Variants in MAST2 observed in about 807,000 individuals in gnomAD.
MAST2 encodes the protein microtubule associated serine/threonine kinase 2.
A neutral mutation model predicts 147.4 loss-of-function variants in MAST2; 70 were observed. The observed-to-expected ratio is 0.47, with a 90% CI of 0.39 to 0.58. MAST2 has a LOEUF of 0.58. Among genes scored for constraint, MAST2 ranks in the 20% least tolerant of loss-of-function variants. The pLI, the probability that MAST2 is intolerant of heterozygous loss-of-function variation, is 0.00. For missense variants in MAST2, 2,080 were observed against 2,302.3 expected, an observed-to-expected ratio of 0.90 and a Z score of 1.98; for synonymous variants, 869 against 896.8, an observed-to-expected ratio of 0.97 and a Z score of 0.55.
intron 5 of MAST2, among the ~76,000 whole-genome samples, chr1:45,997,374 G>C (rs1317929408): frequency 6.6e-6 from 1 of 152,262 alleles, no homozygotes; most frequent in African/African-American, 2.4e-5. Flanking sequence ...TGAACATTTG[G>C]CTATACCCTC....
At chr1:45,844,461 T>A (rs1175802755) in intron 3 of MAST2, among the ~76,000 whole-genome samples, 1 of 152,084 alleles carries the variant, frequency 6.6e-6, no homozygotes, top group East Asian at 1.9e-4. Flanking sequence ...TTTTTGTATT[T>A]TTAGTAGAGA....
chr1:45,975,495 C>CAAAAAAAAAAAAAA lies in MAST2; in HGVS notation c.592+16031_592+16044dup, dbSNP rs60802520. Among the ~76,000 whole-genome samples, 2 of 40,438 alleles carry CAAAAAAAAAAAAAA rather than the reference C, an allele frequency of 4.9e-5. 1 individual carries two copies. Among genetic ancestry groups the CAAAAAAAAAAAAAA allele is most frequent in the African/African-American group, 2.0e-4 (2 of 10,240 alleles). The allele number at this position is 40,438 out of a possible 152,430, so 26.5% of individuals were successfully genotyped here. On this transcript the variant is annotated intron_variant, in intron 5 of 28. Coordinates refer to ENST00000361297, the MANE Select transcript of MAST2 (RefSeq NM_015112.3). Reference sequence around the variant, plus strand: ...GCAATATAGTGAGTCCCTGTCTCTCCAAAAAAAAAAAAAAAAAAAAAAAAA... The same window carrying CAAAAAAAAAAAAAA: ...GCAATATAGTGAGTCCCTGTCTCTCCAAAAAAAAAAAAAAAAAAAAAAAAAAAAAAAAAAAAAAA...
chr1:45,910,201 C>CTATGTTGGGACATAGACATATTTTTATA (rs964606469), intron 4 of MAST2, among the ~76,000 whole-genome samples: 15 of 141,918 alleles, frequency 1.1e-4, no homozygotes, highest in African/African-American at 3.7e-4. Context: ...TCTTATTTTT[C>CTATGTTGGGACATAGACATATTTTTATA]TGTCTATGTT....
intron 10 of MAST2, among the ~76,000 whole-genome samples, chr1:46,011,383 T>G (rs1645709415): frequency 6.6e-6 from 1 of 152,232 alleles, no homozygotes; most frequent in Non-Finnish European, 1.5e-5. Context: ...TTTAGCCATT[T>G]GCATGGTGAG....
Position 46,034,245 on chromosome 1 carries a change from AC to A in MAST2, c.3852del (p.Asp1285MetfsTer86). 6.2e-7 allele frequency: 1 copy of A among 1,613,450 alleles called. No homozygotes were observed. The highest frequency in any genetic ancestry group is 8.5e-7 in the Non-Finnish European group (1 of 1,179,682). ...ATCTCCCACTCAAGGCTACCGGGTG[AC>A]CCCCGATGCTGTGCATTCAGGTACG... Reference protein sequence around the residue: ...PRSPTQGYRVTPDAVHSVGGN... With the variant: ...PRSPTQGYRVXPDAVHSVGGN... On this transcript the variant is annotated frameshift_variant, in exon 28 of 29. Transcript: ENST00000361297. LOFTEE classifies it low-confidence loss of function (END_TRUNC).
At chr1:45,834,201 T>C (rs1645038914) in intron 3 of MAST2, among the ~76,000 whole-genome samples, 1 of 152,114 alleles carries the variant, frequency 6.6e-6, no homozygotes, top group Non-Finnish European at 1.5e-5. Context: ...TATTTAAAAA[T>C]AATAAAACAT....
At chr1:45,863,910 C>G (rs1304992337) in intron 3 of MAST2, among the ~76,000 whole-genome samples, 1 of 152,128 alleles carries the variant, frequency 6.6e-6, no homozygotes, top group Non-Finnish European at 1.5e-5. Flanking sequence ...TATAATGCTG[C>G]CTTCACTAAC....
intron 3 of MAST2, among the ~76,000 whole-genome samples, chr1:45,831,096 A>G (rs1644943966): frequency 6.6e-6 from 1 of 151,706 alleles, no homozygotes. Context: ...GCCTTACAAA[A>G]TTAAAGCTGT....
chr1:45,898,261 A>G (rs1198751809), intron 4 of MAST2, among the ~76,000 whole-genome samples: 1 of 152,146 alleles, frequency 6.6e-6, no homozygotes, highest in East Asian at 1.9e-4. Flanking sequence ...AACAGAGAAA[A>G]AGTCCCACGT....
At chr1:46,030,500 G>T in intron 21 of MAST2, 107 bp from the exon 22 acceptor site, 3 of 1,343,212 alleles carry the variant, frequency 2.2e-6, no homozygotes, top group Non-Finnish European at 3.0e-6. Context: ...AGGAGGGATG[G>T]AACCGACTGG....
At chr1:45,987,207 G>A (rs1017233026) in intron 5 of MAST2, among the ~76,000 whole-genome samples, 1 of 152,090 alleles carries the variant, frequency 6.6e-6, no homozygotes, top group Non-Finnish European at 1.5e-5. Flanking sequence ...CCATAGAAAT[G>A]TGACCTTTCT....
intron 4 of MAST2, among the ~76,000 whole-genome samples, chr1:45,899,864 T>C (rs994268685): frequency 6.6e-6 from 1 of 152,066 alleles, no homozygotes; most frequent in Non-Finnish European, 1.5e-5. Flanking sequence ...AAAAATTTTT[T>C]TTTTTAAGAT....
intron 1 of MAST2, among the ~76,000 whole-genome samples, chr1:45,816,042 T>C (rs1032825569): frequency 2.0e-5 from 3 of 152,188 alleles, no homozygotes; most frequent in Non-Finnish European, 2.9e-5. Context: ...GCCTCCTCTT[T>C]TTCCTTGTAG....
intron 3 of MAST2, among the ~76,000 whole-genome samples, chr1:45,870,864 T>C (rs1646358229): frequency 1.3e-5 from 2 of 152,032 alleles, no homozygotes; most frequent in Non-Finnish European, 1.5e-5. Flanking sequence ...AGGAGGTCGA[T>C]GCTGCCGTGA....
At chr1:45,909,082 G>A (rs975831622) in intron 4 of MAST2, among the ~76,000 whole-genome samples, 8 of 152,068 alleles carry the variant, frequency 5.3e-5, no homozygotes, top group Admixed American at 1.3e-4. Context: ...AAGACAAAGC[G>A]TGTACTTTTT....
At chr1:45,875,186 C>T (rs952055766) in intron 3 of MAST2, among the ~76,000 whole-genome samples, 10 of 152,176 alleles carry the variant, frequency 6.6e-5, no homozygotes, top group African/African-American at 2.4e-4. Context: ...TGGCTCACGC[C>T]TGTAATCCCA....
chr1:46,023,804 G>T lies in MAST2; in HGVS notation c.1604G>T (p.Arg535Leu). ...TTTCTGGTGCGGCACAAGTCCACCC[G>T]GCAGCGCTTTGCCATGAAGAAGATC... ...AVFLVRHKSTRQRFAMKKINK... is the reference protein window; with the variant it reads ...AVFLVRHKSTLQRFAMKKINK... Residue 535 changes from arginine to leucine, a missense_variant, in exon 15 of 29, where the codon CGG (arginine) becomes CTG (leucine). Arg to Leu is a moderately radical substitution (Grantham distance 102, BLOSUM62 -2). Coordinates refer to ENST00000361297, the MANE Select transcript of MAST2 (RefSeq NM_015112.3). This position sits in a 1 kb window ranked among gnomAD's most constrained non-coding sequence, Gnocchi z 4.9. 1 of 1,614,054 alleles carries T rather than the reference G, an allele frequency of 6.2e-7. No individual in the cohort carries two copies. Among genetic ancestry groups the T allele is most frequent in the Non-Finnish European group, 8.5e-7 (1 of 1,180,020 alleles).
At chr1:45,955,935 T>G (rs979244426) in intron 4 of MAST2, among the ~76,000 whole-genome samples, 1 of 152,174 alleles carries the variant, frequency 6.6e-6, no homozygotes, top group Non-Finnish European at 1.5e-5. Flanking sequence ...ATATAATAGA[T>G]TGTATGACTG....
chr1:45,927,574 C>G (rs904338424), intron 4 of MAST2, among the ~76,000 whole-genome samples: 2 of 152,144 alleles, frequency 1.3e-5, no homozygotes, highest in Admixed American at 1.3e-4. Context: ...CCTGACTCAC[C>G]GGCGGTCAGA....
Sources: allele counts gnomAD v4.1 joint callset (sites outside exome capture counted in the v4.1 genomes callset), GRCh38; gene constraint gnomAD v4.1.1; non-coding constraint Gnocchi (gnomAD v3.1); transcripts MANE v1.5; gene names NCBI Gene and HGNC (gene_info 2026-07-23, HGNC 2026-07-21).